Variants in SGCZ observed in about 807,000 individuals in gnomAD.
SGCZ encodes the protein zeta-sarcoglycan.
Under a neutral mutation model 41.3 loss-of-function variants are expected in SGCZ, and 40 were observed. That is an observed-to-expected ratio of 0.97 (90% CI 0.75 to 1.26). SGCZ has a LOEUF of 1.26. SGCZ is among the 50% of genes most tolerant of loss of function. The pLI is 0.00. For synonymous variants in SGCZ, 206 were observed against 137.5 expected (o/e 1.50, Z -3.49); for missense variants, 552 against 369.8 (o/e 1.49, Z -4.04).
At chr8:15,162,964 A>G (rs1276365650) in intron 1 of SGCZ, among the ~76,000 whole-genome samples, 1 of 152,226 alleles carries the variant, frequency 6.6e-6, no homozygotes, top group Non-Finnish European at 1.5e-5. Context: ...AGGCAGCAGT[A>G]AATTTGCATA....
chr8:14,566,856 G>A (rs547801045), intron 1 of SGCZ, among the ~76,000 whole-genome samples: 28 of 152,318 alleles, frequency 1.8e-4, no homozygotes, highest in East Asian at 5.8e-4. Context: ...GGCTGCACAC[G>A]GTGCTTGCGG....
intron 3 of SGCZ, among the ~76,000 whole-genome samples, chr8:14,289,680 T>A (rs943109462): frequency 6.6e-6 from 1 of 151,966 alleles, no homozygotes; most frequent in Admixed American, 6.6e-5. Context: ...CCAACTGATA[T>A]TGGCAAAGGC....
intron 5 of SGCZ, among the ~76,000 whole-genome samples, chr8:14,145,601 A>G (rs991850450): frequency 6.6e-6 from 1 of 152,348 alleles, no homozygotes. Context: ...AAATAGCAAA[A>G]GGACCAATCT....
In SGCZ at chr8:14,237,576, A is replaced by G; in HGVS notation, c.424+16T>C. 3 of 1,610,396 alleles carry G rather than the reference A, an allele frequency of 1.9e-6. No individual in the cohort carries two copies. Among genetic ancestry groups the G allele is most frequent in the South Asian group, 2.2e-5 (2 of 90,578 alleles). On this transcript the variant is annotated intron_variant, in intron 4 of 7. Coordinates refer to ENST00000382080, the MANE Select transcript of SGCZ (RefSeq NM_139167.4). ...ACCAAGCACAGTAGGAGCAATCTTT[A>G]CCCCAAAACACTCACCTATGGTCAG...
chr8:14,400,518 T>G (rs1221793861), intron 2 of SGCZ, among the ~76,000 whole-genome samples: 1 of 152,162 alleles, frequency 6.6e-6, no homozygotes, highest in African/African-American at 2.4e-5. Context: ...GTCAAATTGT[T>G]GGGTCCCACT....
At chr8:14,268,734 ATAT>A (rs1227282941) in intron 3 of SGCZ, among the ~76,000 whole-genome samples, 2 of 151,902 alleles carry the variant, frequency 1.3e-5, no homozygotes, top group Non-Finnish European at 2.9e-5. Flanking sequence ...TATTAAATTA[ATAT>A]TATATGTACA....
At position 14,090,542 on chromosome 8, in the gene SGCZ, C is replaced by G. The variant is rs191247557; in HGVS notation, c.840G>C (p.Val280=). The G allele has an allele frequency of 1.9e-6, 3 of 1,613,132 alleles. No homozygotes were observed. The African/African-American group carries it at 4.0e-5, about 22-fold the overall frequency. ...CATTGGGGCAGACGCAGAGTTCATA[C>G]ACTGTCTGTCGAGAACTTGAGGAGC... ...SPSSSSSRQT[V]YELCVCPNGK... is the part of the protein sequence containing the mutation. The change falls in exon 8 of 8, where the codon GTG becomes GTC. Residue 280 remains valine, a synonymous_variant. Coordinates refer to ENST00000382080, the MANE Select transcript of SGCZ (RefSeq NM_139167.4).
chr8:14,330,440 T>A (rs1393880764), intron 2 of SGCZ, among the ~76,000 whole-genome samples: 1 of 152,114 alleles, frequency 6.6e-6, no homozygotes, highest in Non-Finnish European at 1.5e-5. Flanking sequence ...TAATTTTCTT[T>A]TTTTTGACAA....
chr8:14,659,109 T>C (rs913645315), intron 1 of SGCZ, among the ~76,000 whole-genome samples: 1 of 152,198 alleles, frequency 6.6e-6, no homozygotes, highest in Non-Finnish European at 1.5e-5. Context: ...TGTTAGTATT[T>C]AAATCAAGTT....
chr8:14,144,318 T>C (rs1336696285), intron 5 of SGCZ, among the ~76,000 whole-genome samples: 1 of 152,142 alleles, frequency 6.6e-6, no homozygotes. Context: ...GTCAGAGTCA[T>C]GAGGACTCCG....
intron 1 of SGCZ, among the ~76,000 whole-genome samples, chr8:15,022,800 A>T (rs1563445515): frequency 2.6e-5 from 4 of 152,184 alleles, no homozygotes; most frequent in Non-Finnish European, 4.4e-5. Context: ...AAATAATTTT[A>T]TGTGTTATTT....
chr8:14,268,194 T>C (rs1799941102), intron 3 of SGCZ, among the ~76,000 whole-genome samples: 1 of 149,470 alleles, frequency 6.7e-6, no homozygotes, highest in South Asian at 2.1e-4. Flanking sequence ...GGGAATACGG[T>C]AGACTATATA....
intron 1 of SGCZ, among the ~76,000 whole-genome samples, chr8:15,043,936 A>G (rs1165538407): frequency 6.6e-6 from 1 of 151,876 alleles, no homozygotes; most frequent in African/African-American, 2.4e-5. Context: ...ATGCTAACCT[A>G]CTCCCACAAG....
chr8:14,243,299 T>C (rs934860951), intron 3 of SGCZ, among the ~76,000 whole-genome samples: 4 of 152,216 alleles, frequency 2.6e-5, no homozygotes, highest in East Asian at 1.9e-4. Flanking sequence ...ATCTACCTTA[T>C]CCTCAGTTCC....
In SGCZ at chr8:14,360,505, T is replaced by C. The variant is rs187947512; in HGVS notation, c.235-36301A>G. 6.2e-4 allele frequency among the ~76,000 whole-genome samples: 95 copies of C among 152,144 alleles called. No homozygotes were observed. In the Middle Eastern group the frequency reaches 0.014, roughly 22 times the overall value. Reference sequence around the variant, plus strand: ...CACACCCAGCTAATTTCTGAATTTTTAGTAGAGTCAGGGTTTTACCATGTT... The same window carrying C: ...CACACCCAGCTAATTTCTGAATTTTCAGTAGAGTCAGGGTTTTACCATGTT... On this transcript the variant is annotated intron_variant, in intron 2 of 7. Transcript: ENST00000382080.
In SGCZ at chr8:14,702,731, T is replaced by TGATAGATAGATA. The variant is rs35625599; in HGVS notation, c.40-147817_40-147806dup. ...TATCAGCAAATTCTGCTGGCTTCAA[T>TGATAGATAGATA]GATAGATAGATAGATAGATAGATAG... On this transcript the variant is annotated intron_variant, in intron 1 of 7. Transcript: ENST00000382080. 2.6e-3 allele frequency among the ~76,000 whole-genome samples: 240 copies of TGATAGATAGATA among 91,258 alleles called. 2 individuals are homozygous for TGATAGATAGATA. Among genetic ancestry groups the TGATAGATAGATA allele is most frequent in the African/African-American group, 4.0e-3 (111 of 28,068 alleles). 59.9% of individuals were successfully genotyped at this position (91,258 alleles called of 152,430 possible).
chr8:14,841,276 C>T (rs1191936253), intron 1 of SGCZ, among the ~76,000 whole-genome samples: 1 of 152,056 alleles, frequency 6.6e-6, no homozygotes, highest in Non-Finnish European at 1.5e-5. Flanking sequence ...TCTGCTGCAT[C>T]TACAAGCACT....
chr8:14,770,256 T>C (rs1800190892), intron 1 of SGCZ, among the ~76,000 whole-genome samples: 1 of 151,666 alleles, frequency 6.6e-6, no homozygotes. Context: ...AGCAGACTAG[T>C]AGTGCCAAGA....
chr8:14,356,265 G>A (rs1803289772), intron 2 of SGCZ, among the ~76,000 whole-genome samples: 1 of 152,136 alleles, frequency 6.6e-6, no homozygotes, highest in East Asian at 1.9e-4. Context: ...ACTTAACAGT[G>A]GGTTTATTGG....
Sources: allele counts gnomAD v4.1 joint callset (sites outside exome capture counted in the v4.1 genomes callset), GRCh38; gene constraint gnomAD v4.1.1; transcripts MANE v1.5; gene names NCBI Gene and HGNC (gene_info 2026-07-23, HGNC 2026-07-21).